NRIP1: variants seen among roughly 807,000 people sequenced by gnomAD.
The protein encoded by NRIP1 is nuclear receptor interacting protein 1.
NRIP1 carries 28 observed loss-of-function variants against 75.0 expected under a neutral mutation model. That is an observed-to-expected ratio of 0.37 (90% CI 0.28 to 0.51). The LOEUF (loss-of-function observed/expected upper bound fraction) is 0.51. NRIP1 is among the 20% of genes least tolerant of loss of function. The probability of loss-of-function intolerance (pLI) is 0.92; values close to 1 mark genes in which losing one functional copy is unlikely to be tolerated. For missense variants in NRIP1, 1,435 were observed against 1,343.7 expected, an observed-to-expected ratio of 1.07 and a Z score of -1.06; for synonymous variants, 526 against 487.6, an observed-to-expected ratio of 1.08 and a Z score of -1.04.
At position 15,060,404 on chromosome 21, in the gene NRIP1, T is replaced by C. The variant is rs56314547; in HGVS notation, c.-538+4341A>G. 7.7e-3 allele frequency among the ~76,000 whole-genome samples: 1,168 copies of C among 152,220 alleles called. 16 individuals carry two copies. Among genetic ancestry groups the C allele is most frequent in the African/African-American group, 0.026 (1,062 of 41,548 alleles). On this transcript the variant is annotated intron_variant, in intron 1 of 3. Coordinates refer to ENST00000318948, the MANE Select transcript of NRIP1 (RefSeq NM_003489.4). ...TCTATTTTCCCCCTACCATGAATCA[T>C]AGGTAATGTGCTTAAATAAAGCATT...
chr21:14,970,955 A>G (rs1340708526), intron 3 of NRIP1, among the ~76,000 whole-genome samples: 2 of 152,112 alleles, frequency 1.3e-5, no homozygotes, highest in Non-Finnish European at 2.9e-5. Flanking sequence ...CTTGTAAAGG[A>G]GCTCTAACAC....
intron 1 of NRIP1, among the ~76,000 whole-genome samples, chr21:15,045,869 T>C (rs1450016090): frequency 6.6e-6 from 1 of 152,220 alleles, no homozygotes; most frequent in African/African-American, 2.4e-5. Flanking sequence ...AGTAACTACT[T>C]TCTTTGCTCA....
intron 3 of NRIP1, among the ~76,000 whole-genome samples, chr21:14,996,652 G>T (rs76291584): frequency 1.3e-5 from 2 of 151,940 alleles, no homozygotes; most frequent in African/African-American, 4.8e-5. Flanking sequence ...TCCACCACTA[G>T]ACTATAACTA....
chr21:14,994,313 C>A (rs371439686), intron 3 of NRIP1, among the ~76,000 whole-genome samples: 1 of 152,092 alleles, frequency 6.6e-6, no homozygotes, highest in Non-Finnish European at 1.5e-5. Flanking sequence ...TTAGTAGAGA[C>A]GAGGTTTCGC....
rs148901423 is a variant in NRIP1 at position 14,978,171 on chromosome 21, G to A, written c.-334-9645C>T. Among the ~76,000 whole-genome samples, 712 of 152,254 alleles carry A rather than the reference G, an allele frequency of 4.7e-3. 7 individuals are homozygous for A. The highest frequency in any genetic ancestry group is 0.016 in the African/African-American group (657 of 41,548). On this transcript the variant is annotated intron_variant, in intron 3 of 3. Transcript: ENST00000318948. ...AAAGACTCATTAGAGACACTCCTGC[G>A]GGAGTAACTCAAGCATTCAACGCAA...
chr21:15,022,941 CTT>C (rs2088414432), intron 2 of NRIP1, among the ~76,000 whole-genome samples: 1 of 152,204 alleles, frequency 6.6e-6, no homozygotes, highest in South Asian at 2.1e-4. Context: ...CATAGTCAAA[CTT>C]TATTACGCTC....
chr21:14,989,666 T>A (rs1428291027), intron 3 of NRIP1, among the ~76,000 whole-genome samples: 1 of 152,196 alleles, frequency 6.6e-6, no homozygotes, highest in Non-Finnish European at 1.5e-5. Context: ...TTAATTTGCT[T>A]TATCATGTTC....
intron 2 of NRIP1, among the ~76,000 whole-genome samples, chr21:15,033,556 T>C (rs2088761923): frequency 6.6e-6 from 1 of 152,194 alleles, no homozygotes; most frequent in Admixed American, 6.5e-5. Context: ...CAAGTATACT[T>C]CTATACTGTA....
intron 2 of NRIP1, among the ~76,000 whole-genome samples, chr21:15,029,085 T>C (rs982440381): frequency 2.6e-5 from 4 of 152,188 alleles, no homozygotes; most frequent in Non-Finnish European, 5.9e-5. Flanking sequence ...AGCTACTTCT[T>C]ACTGTCCCCA....
intron 1 of NRIP1, among the ~76,000 whole-genome samples, chr21:15,061,980 C>T (rs570834748): frequency 3.9e-4 from 60 of 152,330 alleles, no homozygotes; most frequent in Non-Finnish European, 6.8e-4. Flanking sequence ...TCAAACTCTG[C>T]TTTCAGATAT....
intron 3 of NRIP1, among the ~76,000 whole-genome samples, chr21:14,995,208 G>T (rs985457605): frequency 6.6e-6 from 1 of 151,204 alleles, no homozygotes; most frequent in Non-Finnish European, 1.5e-5. Context: ...ATATGTCAAA[G>T]ATCTGAGTTT....
chr21:15,055,626 C>T (rs535966423), intron 1 of NRIP1, among the ~76,000 whole-genome samples: 19 of 152,210 alleles, frequency 1.2e-4, no homozygotes, highest in Admixed American at 9.8e-4. Context: ...GATTTTACTG[C>T]GGGATCCATC....
chr21:15,031,306 A>C lies in NRIP1; in HGVS notation c.-458+12189T>G, dbSNP rs1482722916. Among the ~76,000 whole-genome samples the C allele has an allele frequency of 4.8e-5, 7 of 146,156 alleles. No individual in the cohort carries two copies. In the South Asian group the frequency reaches 6.9e-4, roughly 14 times the overall value. Reference sequence around the variant, plus strand: ...TGGAAGGCGGTTGGAGGTTCACCACATTCCCTTTCTATGTGTATACACTCT... The same window carrying C: ...TGGAAGGCGGTTGGAGGTTCACCACCTTCCCTTTCTATGTGTATACACTCT... On this transcript the variant is annotated intron_variant, in intron 2 of 3. Transcript: ENST00000318948.
chr21:15,061,135 A>G (rs1813557000), intron 1 of NRIP1, among the ~76,000 whole-genome samples: 1 of 152,206 alleles, frequency 6.6e-6, no homozygotes, highest in Non-Finnish European at 1.5e-5. Context: ...ACCCTAGCAT[A>G]TCTTGTTGAA....
intron 2 of NRIP1, among the ~76,000 whole-genome samples, chr21:15,038,487 T>C (rs1298650835): frequency 2.0e-5 from 3 of 152,070 alleles, no homozygotes; most frequent in Non-Finnish European, 2.9e-5. Flanking sequence ...AGAAATCTTT[T>C]ATAAATGTAC....
At chr21:15,038,180 T>C (rs1030245378) in intron 2 of NRIP1, among the ~76,000 whole-genome samples, 1 of 152,132 alleles carries the variant, frequency 6.6e-6, no homozygotes, top group Non-Finnish European at 1.5e-5. Context: ...TATCCTACAA[T>C]GTAACAAACA....
chr21:14,962,109 C>T lies in NRIP1; in HGVS notation c.*2607G>A, dbSNP rs936057744. 1.3e-5 allele frequency: 2 copies of T among 149,674 alleles called. No individual in the cohort carries two copies. Among genetic ancestry groups the T allele is most frequent in the Non-Finnish European group, 3.0e-5 (2 of 67,338 alleles). 9.3% of individuals were successfully genotyped at this position (149,674 alleles called of 1,614,324 possible). A position where few individuals can be genotyped will look rare whatever the true frequency, so the allele number is the denominator to read the frequency against. ...GCAGAGAATAAACAGGTAATGAATG[C>T]TACCTTACTGATGTCAATAAGCTGT... On this transcript the variant is annotated 3_prime_UTR_variant, in exon 4 of 4. Coordinates refer to ENST00000318948, the MANE Select transcript of NRIP1 (RefSeq NM_003489.4).
chr21:15,016,529 T>G (rs1210040507), intron 2 of NRIP1, among the ~76,000 whole-genome samples: 2 of 152,054 alleles, frequency 1.3e-5, no homozygotes, highest in African/African-American at 4.8e-5. Context: ...CTTTTTTCCT[T>G]CTTGAAAAAA....
intron 3 of NRIP1, among the ~76,000 whole-genome samples, chr21:14,973,838 A>G: frequency 7.7e-6 from 1 of 130,090 alleles, no homozygotes; most frequent in South Asian, 2.5e-4. Context: ...CACCATGCAG[A>G]GCTGATTTTT....
Sources: gnomAD v4.1 joint callset for allele counts (sites outside exome capture counted in the v4.1 genomes callset) on GRCh38, gnomAD v4.1.1 for gene constraint, MANE v1.5 for transcripts, NCBI Gene and HGNC (gene_info 2026-07-23, HGNC 2026-07-21) for gene names.